COL5A2: variants seen among roughly 807,000 people sequenced by gnomAD.
The protein encoded by COL5A2 is collagen alpha-2(V) chain.
In COL5A2, 23 loss-of-function variants were observed where a neutral mutation model predicts 208.2. That is an observed-to-expected ratio of 0.11 (90% CI 0.08 to 0.16). The LOEUF is 0.16. Ranked by LOEUF, COL5A2 falls within the 10% of genes least tolerant of loss-of-function variation. The probability of loss-of-function intolerance (pLI) is 1.00; values close to 1 mark genes in which losing one functional copy is unlikely to be tolerated. For synonymous variants in COL5A2, 625 were observed against 628.5 expected (o/e 0.99, Z 0.08); for missense variants, 1,590 against 1,956.4 (o/e 0.81, Z 3.53).
At chr2:189,323,265 C>G in the COL5A2 span, among the ~76,000 whole-genome samples, 2 of 152,098 alleles carry the variant, frequency 1.3e-5, no homozygotes, top group Non-Finnish European at 2.9e-5. Flanking sequence ...TGGCACAAGA[C>G]AGGGATGCCC....
intron 14 of COL5A2, 81 bp downstream of exon 14, chr2:189,079,897 G>A (rs1412314800): frequency 8.7e-7 from 1 of 1,155,030 alleles, no homozygotes; most frequent in African/African-American, 1.5e-5. Context: ...CTGAATTAAG[G>A]TGGTTCTGAA....
the COL5A2 span, among the ~76,000 whole-genome samples, chr2:189,251,427 CAG>C: frequency 6.6e-6 from 1 of 152,100 alleles, no homozygotes; most frequent in African/African-American, 2.4e-5. Context: ...ACTAAACAGA[CAG>C]AATCTTTCTG....
At chr2:189,251,308 G>A in the COL5A2 span, among the ~76,000 whole-genome samples, 3 of 152,092 alleles carry the variant, frequency 2.0e-5, no homozygotes, top group African/African-American at 4.8e-5. Context: ...ATGATATTCT[G>A]TAGACACTAA....
Position 189,098,746 on chromosome 2 carries a change from C to G in COL5A2, c.383G>C (p.Arg128Pro). 6.2e-7 allele frequency: 1 copy of G among 1,612,956 alleles called. No individual in the cohort carries two copies. Among genetic ancestry groups the G allele is most frequent in the Non-Finnish European group, 8.5e-7 (1 of 1,179,148 alleles). The change falls in exon 5 of 54, where the codon CGT becomes CCT. Residue 128 changes from arginine (R) to proline (P), a missense_variant. By Grantham distance (103) the Arg-to-Pro change is moderately radical (BLOSUM62 -2). Coordinates refer to ENST00000374866, the MANE Select transcript of COL5A2 (RefSeq NM_000393.5). ...ACTTACTGCCGGTCCTGGACGACCA[C>G]GTATGCCTGTTACCTAAACAATAAA... ...PGLVPVVTGI[R>P]GRPGPAGPPG...
chr2:189,388,504 A>C, the COL5A2 span, among the ~76,000 whole-genome samples: 1 of 152,210 alleles, frequency 6.6e-6, no homozygotes, highest in Non-Finnish European at 1.5e-5. Context: ...GGCAAGGACC[A>C]GGCTGAGCAC....
intron 36 of COL5A2, 38 bp from the exon 37 acceptor site, chr2:189,053,986 G>C (rs764141108): frequency 3.8e-6 from 6 of 1,594,474 alleles, no homozygotes; most frequent in African/African-American, 1.3e-5. Flanking sequence ...GTCCAAAACA[G>C]TAGCTAAACA....
intron 34 of COL5A2, 31 bp downstream of exon 34, chr2:189,057,289 T>TAAAA: frequency 1.9e-6 from 1 of 524,696 alleles, no homozygotes; most frequent in Non-Finnish European, 2.8e-6. Context: ...ATAAATGAAC[T>TAAAA]GAAAAAAAAA....
At chr2:189,178,585 AT>A (rs1688722227) in intron 1 of COL5A2, among the ~76,000 whole-genome samples, 1 of 151,990 alleles carries the variant, frequency 6.6e-6, no homozygotes, top group Non-Finnish European at 1.5e-5. Flanking sequence ...AGAGGAATCA[AT>A]TTAAATATTT....
At chr2:189,355,775 C>T in the COL5A2 span, among the ~76,000 whole-genome samples, 161 of 152,266 alleles carry the variant, frequency 1.1e-3, no homozygotes, top group African/African-American at 3.6e-3. Context: ...AGCCTATTTA[C>T]ATTTAAGGTT....
the COL5A2 span, among the ~76,000 whole-genome samples, chr2:189,299,472 G>A: frequency 2.0e-5 from 3 of 152,152 alleles, no homozygotes; most frequent in Admixed American, 2.0e-4. Context: ...AAGAACTGCT[G>A]AGATCTGATA....
At chr2:189,318,979 C>G in the COL5A2 span, among the ~76,000 whole-genome samples, 2 of 151,906 alleles carry the variant, frequency 1.3e-5, no homozygotes, top group Non-Finnish European at 2.9e-5. Flanking sequence ...ATTCATATCC[C>G]CAGGATATGT....
the COL5A2 span, among the ~76,000 whole-genome samples, chr2:189,297,820 C>T: frequency 9.9e-5 from 15 of 152,272 alleles, no homozygotes; most frequent in Admixed American, 2.6e-4. Flanking sequence ...GACATTTTCT[C>T]AAAAATGAAT....
chr2:189,110,123 C>T, intron 2 of COL5A2, 102 bp downstream of exon 2: 1 of 923,658 alleles, frequency 1.1e-6, no homozygotes, highest in Non-Finnish European at 1.8e-6. Context: ...AAAAAAGCTG[C>T]TTAATTATTC....
intron 1 of COL5A2, among the ~76,000 whole-genome samples, chr2:189,188,399 C>T (rs1688881667): frequency 6.6e-6 from 1 of 152,150 alleles, no homozygotes; most frequent in Admixed American, 6.5e-5. Context: ...TGCTGTTGCA[C>T]GTATAAGCAG....
chr2:189,425,153 C>G, the COL5A2 span, among the ~76,000 whole-genome samples: 1 of 152,134 alleles, frequency 6.6e-6, no homozygotes, highest in Non-Finnish European at 1.5e-5. Flanking sequence ...AAGGAGGTAT[C>G]ATCTCACTTC....
At chr2:189,314,466 A>G in the COL5A2 span, among the ~76,000 whole-genome samples, 1 of 152,148 alleles carries the variant, frequency 6.6e-6, no homozygotes, top group Admixed American at 6.5e-5. Flanking sequence ...TACAGCACTA[A>G]ATACCCACAT....
At chr2:189,206,822 C>T (rs994863600) in intron 1 of COL5A2, among the ~76,000 whole-genome samples, 3 of 152,092 alleles carry the variant, frequency 2.0e-5, no homozygotes, top group Middle Eastern at 3.2e-3. Context: ...GACACATACT[C>T]GAAAGTTGTG....
rs746671710 is a variant in COL5A2, at chr2:189,088,753, G to T, written c.587C>A (p.Ala196Asp). ...GLSRPFSAQM[A>D]GLDEKSGLGS... Reference sequence around the variant, plus strand: ...AAGTCCAGATTTTTCATCCAACCCAGCCATTTGAGCTGAAAACGGCTGTAA... The same window carrying T: ...AAGTCCAGATTTTTCATCCAACCCATCCATTTGAGCTGAAAACGGCTGTAA... The change falls in exon 8 of 54, where the codon GCT becomes GAT. Residue 196 changes from alanine (A) to aspartate (D), a missense_variant. Coordinates refer to ENST00000374866, the MANE Select transcript of COL5A2 (RefSeq NM_000393.5). The T allele has an allele frequency of 5.0e-6, 8 of 1,613,712 alleles. No individual in the cohort carries two copies. In the East Asian group the frequency reaches 1.8e-4, roughly 36 times the overall value.
At chr2:189,050,464 C>T in intron 43 of COL5A2, 105 bp downstream of exon 43, 3 of 937,712 alleles carry the variant, frequency 3.2e-6, no homozygotes, top group East Asian at 2.6e-5. Flanking sequence ...AATGTCCCTA[C>T]AATACTGTTT....
Sources: allele counts gnomAD v4.1 joint callset (sites outside exome capture counted in the v4.1 genomes callset), GRCh38; gene constraint gnomAD v4.1.1; transcripts MANE v1.5; gene names NCBI Gene and HGNC (gene_info 2026-07-23, HGNC 2026-07-21).